FAM76B: variants seen among roughly 807,000 people sequenced by gnomAD.
The protein encoded by FAM76B is family with sequence similarity 76 member B.
Under a neutral mutation model 51.8 loss-of-function variants are expected in FAM76B, and 16 were observed. That is an observed-to-expected ratio of 0.31 (90% CI 0.21 to 0.47). FAM76B has a LOEUF of 0.47. Ranked by LOEUF, FAM76B falls within the 20% of genes least tolerant of loss-of-function variation. The pLI, the probability that FAM76B is intolerant of heterozygous loss-of-function variation, is 1.00. For missense variants in FAM76B, 342 were observed against 392.6 expected (o/e 0.87, Z 1.09); for synonymous variants, 166 against 129.5 (o/e 1.28, Z -1.91).
At chr11:95,788,725 A>C in intron 1 of FAM76B, 162 bp from the exon 2 acceptor site, 1 of 1,263,152 alleles carries the variant, frequency 7.9e-7, no homozygotes, top group Non-Finnish European at 1.1e-6. Context: ...GGCCAATCAC[A>C]ATATAATTCC....
intron 8 of FAM76B, 51 bp downstream of exon 8, chr11:95,778,771 G>GC: frequency 7.3e-6 from 11 of 1,508,908 alleles, no homozygotes; most frequent in Non-Finnish European, 9.7e-6. Context: ...CGATTATCAA[G>GC]CAACAGTCAA....
chr11:95,787,934 T>C (rs943645116), intron 2 of FAM76B, among the ~76,000 whole-genome samples: 1 of 152,226 alleles, frequency 6.6e-6, no homozygotes, highest in South Asian at 2.1e-4. Flanking sequence ...CTCCAAAATC[T>C]TCACACTTGA....
intron 4 of FAM76B, among the ~76,000 whole-genome samples, chr11:95,784,129 C>T (rs193081332): frequency 6.6e-6 from 1 of 152,204 alleles, no homozygotes; most frequent in African/African-American, 2.4e-5. Flanking sequence ...AAGATCATGT[C>T]CCTTCCAGGA....
intron 5 of FAM76B, among the ~76,000 whole-genome samples, chr11:95,782,359 G>A (rs1304158406): frequency 6.6e-6 from 1 of 151,952 alleles, no homozygotes; most frequent in Non-Finnish European, 1.5e-5. Context: ...AGTATTTGGA[G>A]GATGTGAAAC....
At position 95,771,464 on chromosome 11, in the gene FAM76B, C is replaced by CA. The variant is rs1194330403; in HGVS notation, c.*96dup. The CA allele has an allele frequency of 1.2e-6, 1 of 832,434 alleles. No homozygotes were observed. Among genetic ancestry groups the CA allele is most frequent in the Non-Finnish European group, 1.9e-6 (1 of 533,190 alleles). The allele number at this position is 832,434 out of a possible 1,614,324, so 51.6% of individuals were successfully genotyped here. A position where few individuals can be genotyped will look rare whatever the true frequency, so the allele number is the denominator to read the frequency against. On this transcript the variant is annotated 3_prime_UTR_variant, in exon 10 of 10. Coordinates refer to ENST00000358780, the MANE Select transcript of FAM76B (RefSeq NM_144664.5). Reference sequence around the variant, plus strand: ...GAAACACACCAATTCATTTGGTGTGCAAAAATATTTTTCTACTACACAGAA... The same window carrying CA: ...GAAACACACCAATTCATTTGGTGTGCAAAAAATATTTTTCTACTACACAGAA...
chr11:95,784,230 T>G (rs903162834), intron 4 of FAM76B, among the ~76,000 whole-genome samples: 1 of 151,972 alleles, frequency 6.6e-6, no homozygotes, highest in African/African-American at 2.4e-5. Flanking sequence ...AAGCAGGAAC[T>G]AAAGGATGAA....
In FAM76B at chr11:95,786,271, T is replaced by A; in HGVS notation, c.211A>T (p.Lys71Ter). 6.2e-7 allele frequency: 1 copy of A among 1,613,884 alleles called. No homozygotes were observed. Among genetic ancestry groups the A allele is most frequent in the Non-Finnish European group, 8.5e-7 (1 of 1,179,892 alleles). ...ATTATGTTACAGTACTGACAAGGCT[T>A]GGGCTGAAAAACATACACATTTTGA... Reference protein sequence around the residue: ...AQNVKQFGTPKPCQYCNIIAA... With the variant: ...AQNVKQFGTP The change falls in exon 4 of 10, where the codon AAG becomes TAG. Residue 71 changes from lysine (K) to a stop codon, truncating the protein, a stop_gained. Transcript: ENST00000358780. LOFTEE classifies it high-confidence loss of function.
chr11:95,777,849 G>T (rs1164399610), intron 8 of FAM76B, among the ~76,000 whole-genome samples: 1 of 151,352 alleles, frequency 6.6e-6, no homozygotes, highest in African/African-American at 2.4e-5. Context: ...TCTTTTAAAA[G>T]AAATGATTTT....
Position 95,769,636 on chromosome 11 carries a change from A to C in FAM76B, c.*1925T>G, listed in dbSNP as rs1414986575. On this transcript the variant is annotated 3_prime_UTR_variant, in exon 10 of 10. Coordinates refer to ENST00000358780, the MANE Select transcript of FAM76B (RefSeq NM_144664.5). Reference sequence around the variant, plus strand: ...CCATAATGACCACTGTGGACTGACAAATGGCTATGAAACAAGAATATAAAA... The same window carrying C: ...CCATAATGACCACTGTGGACTGACACATGGCTATGAAACAAGAATATAAAA... The C allele has an allele frequency of 6.6e-6, 1 of 151,788 alleles. No individual in the cohort carries two copies. Among genetic ancestry groups the C allele is most frequent in the East Asian group, 1.9e-4 (1 of 5,200 alleles). The allele number at this position is 151,788 out of a possible 1,614,324, so 9.4% of individuals were successfully genotyped here.
chr11:95,784,117 A>G (rs1860424095), intron 4 of FAM76B, among the ~76,000 whole-genome samples: 1 of 152,192 alleles, frequency 6.6e-6, no homozygotes, highest in South Asian at 2.1e-4. Context: ...ATAGACAAGA[A>G]CAAGATCATG....
chr11:95,775,596 C>T (rs1379056464), intron 9 of FAM76B, among the ~76,000 whole-genome samples: 3 of 151,214 alleles, frequency 2.0e-5, no homozygotes. Flanking sequence ...TGCTTTTCAC[C>T]TTAGTTTCAT....
intron 9 of FAM76B, among the ~76,000 whole-genome samples, chr11:95,775,299 A>C (rs1367294111): frequency 6.6e-6 from 1 of 151,540 alleles, no homozygotes; most frequent in Non-Finnish European, 1.5e-5. Context: ...TGCATGCCAG[A>C]CATCAGATTA....
At chr11:95,786,036 C>T (rs1018244476) in intron 4 of FAM76B, 83 bp downstream of exon 4, 2 of 1,499,206 alleles carry the variant, frequency 1.3e-6, no homozygotes, top group African/African-American at 2.8e-5. Flanking sequence ...GATCCAGTCT[C>T]AGTAGTGTAT....
At chr11:95,776,521 T>C (rs1353490565) in intron 8 of FAM76B, among the ~76,000 whole-genome samples, 2 of 151,422 alleles carry the variant, frequency 1.3e-5, no homozygotes, top group East Asian at 3.9e-4. Flanking sequence ...TTAATTTATG[T>C]CCAGGATTAT....
At chr11:95,775,612 T>G (rs1367865500) in intron 9 of FAM76B, among the ~76,000 whole-genome samples, 1 of 151,048 alleles carries the variant, frequency 6.6e-6, no homozygotes, top group Non-Finnish European at 1.5e-5. Flanking sequence ...TTCATTAATC[T>G]GATTTTTAAT....
In FAM76B at chr11:95,769,168, T is replaced by C. The variant is rs1859664495; in HGVS notation, c.*2393A>G. ...TAAATAACTTGAGTCAAAATGACCC[T>C]TACTGGTAAATGCTAATTAATAGTG... On this transcript the variant is annotated 3_prime_UTR_variant, in exon 10 of 10. Transcript: ENST00000358780. The C allele has an allele frequency of 6.6e-6, 1 of 152,332 alleles. No individual in the cohort carries two copies. Among genetic ancestry groups the C allele is most frequent in the Admixed American group, 6.6e-5 (1 of 15,212 alleles). The allele number at this position is 152,332 out of a possible 1,614,324, so 9.4% of individuals were successfully genotyped here. A position where few individuals can be genotyped will look rare whatever the true frequency, so the allele number is the denominator to read the frequency against.
chr11:95,774,722 A>T (rs939493058), intron 9 of FAM76B, among the ~76,000 whole-genome samples: 2 of 151,394 alleles, frequency 1.3e-5, no homozygotes, highest in African/African-American at 4.8e-5. Flanking sequence ...AGAATCTGAT[A>T]TATGATACGG....
intron 3 of FAM76B, 46 bp downstream of exon 3, chr11:95,787,578 A>G: frequency 6.3e-7 from 1 of 1,576,716 alleles, no homozygotes; most frequent in Non-Finnish European, 8.7e-7. Context: ...GCTTTATGAA[A>G]AATATTAACT....
At chr11:95,782,439 T>C (rs1267364898) in intron 5 of FAM76B, among the ~76,000 whole-genome samples, 1 of 152,124 alleles carries the variant, frequency 6.6e-6, no homozygotes, top group Non-Finnish European at 1.5e-5. Flanking sequence ...CTGGAGTATA[T>C]GCAAATTTTG....
Sources: gnomAD v4.1 joint callset for allele counts (sites outside exome capture counted in the v4.1 genomes callset) on GRCh38, gnomAD v4.1.1 for gene constraint, MANE v1.5 for transcripts, NCBI Gene and HGNC (gene_info 2026-07-23, HGNC 2026-07-21) for gene names.